MKLN1: variants seen among roughly 807,000 people sequenced by gnomAD.
The protein encoded by MKLN1 is muskelin 1.
A neutral mutation model predicts 99.0 loss-of-function variants in MKLN1; 18 were observed. The ratio of observed to expected loss-of-function variants is 0.18; its 90% CI spans 0.13 to 0.27. The LOEUF (loss-of-function observed/expected upper bound fraction) is 0.27, where lower values mean the gene tolerates loss of function less well. MKLN1 is among the 10% of genes least tolerant of loss of function. MKLN1 has a pLI of 1.00. For synonymous variants in MKLN1, 288 were observed against 293.2 expected (o/e 0.98, Z 0.18); for missense variants, 621 against 875.9 (o/e 0.71, Z 3.67).
chr7:131,115,349 G>A (rs1270047406), intron 1 of MKLN1, among the ~76,000 whole-genome samples: 3 of 152,136 alleles, frequency 2.0e-5, no homozygotes, highest in African/African-American at 7.2e-5. Flanking sequence ...TCAGAATTCA[G>A]GTCAACTTTA....
At chr7:131,295,287 A>G (rs77814120) in intron 3 of MKLN1, among the ~76,000 whole-genome samples, 8,153 of 152,248 alleles carry the variant, frequency 0.054, 299 homozygotes, top group Non-Finnish European at 0.075. Flanking sequence ...GATTATGGGC[A>G]TGAGCCACCA....
intron 3 of MKLN1, among the ~76,000 whole-genome samples, chr7:131,298,248 G>T (rs572042044): frequency 7.9e-5 from 12 of 151,740 alleles, no homozygotes; most frequent in Non-Finnish European, 1.6e-4. Flanking sequence ...TCCAGCCTGG[G>T]CGACAGAGCA....
chr7:131,246,350 A>C (rs1797489505), intron 3 of MKLN1, among the ~76,000 whole-genome samples: 1 of 152,186 alleles, frequency 6.6e-6, no homozygotes, highest in African/African-American at 2.4e-5. Context: ...TAAAATGAGA[A>C]GATTCGGGTT....
chr7:131,258,024 G>GGCA (rs1797681813), intron 3 of MKLN1, among the ~76,000 whole-genome samples: 1 of 151,764 alleles, frequency 6.6e-6, no homozygotes, highest in African/African-American at 2.4e-5. Flanking sequence ...GGGAGGCTGA[G>GGCA]GCAGCAGGAT....
chr7:131,224,467 AC>A (rs1342670731), intron 3 of MKLN1, among the ~76,000 whole-genome samples: 5 of 152,140 alleles, frequency 3.3e-5, no homozygotes, highest in African/African-American at 1.2e-4. Context: ...AATCGCTCGA[AC>A]CCAGGAGGCA....
At chr7:131,304,127 A>G (rs12540848) in intron 3 of MKLN1, among the ~76,000 whole-genome samples, 8,099 of 152,246 alleles carry the variant, frequency 0.053, 301 homozygotes, top group Non-Finnish European at 0.075. Flanking sequence ...TAATCCTAGC[A>G]CTTTGGAAGG....
At chr7:131,401,311 G>C (rs189645102) in intron 6 of MKLN1, among the ~76,000 whole-genome samples, 3 of 152,064 alleles carry the variant, frequency 2.0e-5, no homozygotes, top group African/African-American at 7.2e-5. Flanking sequence ...TTTTATTAGA[G>C]GTGATTTTGG....
At chr7:131,110,312 C>A (rs1446587874) in intron 1 of MKLN1, 1 of 162,712 alleles carries the variant, frequency 6.1e-6, no homozygotes, top group African/African-American at 2.4e-5. Context: ...CTGAAGGAGC[C>A]CAGTTTCCAG....
intron 2 of MKLN1, among the ~76,000 whole-genome samples, chr7:131,199,372 C>T (rs1206052373): frequency 4.0e-5 from 6 of 151,786 alleles, no homozygotes; most frequent in African/African-American, 9.7e-5. Context: ...ATCCTGCTTC[C>T]GAAGTAGCTG....
At chr7:131,437,278 A>G (rs115510310) in intron 9 of MKLN1, among the ~76,000 whole-genome samples, 2,353 of 152,148 alleles carry the variant, frequency 0.015, 53 homozygotes, top group African/African-American at 0.053. Context: ...CCTGTGTCCA[A>G]GTGATTAAAC....
intron 8 of MKLN1, among the ~76,000 whole-genome samples, chr7:131,416,508 C>A (rs1314428627): frequency 6.7e-6 from 1 of 149,502 alleles, no homozygotes; most frequent in Non-Finnish European, 1.5e-5. Flanking sequence ...GTTATAAAGG[C>A]CTAGGTATTT....
Position 131,490,337 on chromosome 7 carries a change from C to T in MKLN1, c.*2609C>T, listed in dbSNP as rs534208047. 3.3e-5 allele frequency: 5 copies of T among 152,646 alleles called. No homozygotes were observed. The South Asian group carries it at 1.0e-3, about 32-fold the overall frequency. 9.5% of individuals were successfully genotyped at this position (152,646 alleles called of 1,614,324 possible). On this transcript the variant is annotated 3_prime_UTR_variant, in exon 18 of 18. Coordinates refer to ENST00000352689, the MANE Select transcript of MKLN1 (RefSeq NM_013255.5). ...TATCTCCAGCTTCAACCTCATTTAT[C>T]CTTTTTCCTAGTATAATACATTGTT...
intron 8 of MKLN1, among the ~76,000 whole-genome samples, chr7:131,418,498 TACAAAAAAAATC>T (rs1214286564): frequency 2.6e-5 from 4 of 152,028 alleles, no homozygotes; most frequent in Non-Finnish European, 1.5e-5. Context: ...CTTATGAGCT[TACAAAAAAAATC>T]ACAAAAAAAG....
chr7:131,362,452 A>T (rs892866568), intron 1 of MKLN1, among the ~76,000 whole-genome samples: 1 of 152,038 alleles, frequency 6.6e-6, no homozygotes, highest in Admixed American at 6.6e-5. Flanking sequence ...GGAAGTTTTT[A>T]AAAAAAGTCT....
chr7:131,316,989 A>G (rs1176635314), intron 3 of MKLN1, among the ~76,000 whole-genome samples: 1 of 152,234 alleles, frequency 6.6e-6, no homozygotes, highest in Non-Finnish European at 1.5e-5. Context: ...TGATTGGTGT[A>G]TCTGAAAGTG....
Position 131,493,455 on chromosome 7 carries a change from A to T in MKLN1, c.*5727A>T, listed in dbSNP as rs1002339285. ...ACCCTAAAATAATTTTGTTAATGAGATGCTGGGAAGAAGACTACCAAAAGG... is the reference window on the plus strand; with the variant it reads ...ACCCTAAAATAATTTTGTTAATGAGTTGCTGGGAAGAAGACTACCAAAAGG... On this transcript the variant is annotated 3_prime_UTR_variant, in exon 18 of 18. Transcript: ENST00000352689. 6.6e-6 allele frequency: 1 copy of T among 152,204 alleles called. No homozygotes were observed. Among genetic ancestry groups the T allele is most frequent in the Non-Finnish European group, 1.5e-5 (1 of 68,034 alleles). 9.4% of individuals were successfully genotyped at this position (152,204 alleles called of 1,614,324 possible).
At chr7:131,324,440 C>T (rs1222585768), upstream of MKLN1, 6 of 152,112 alleles carry the variant, frequency 3.9e-5, no homozygotes, top group South Asian at 2.1e-4. Flanking sequence ...AAGGAAGAAG[C>T]GGAGGCAAAA....
chr7:131,379,279 T>C (rs1793766606), intron 2 of MKLN1, among the ~76,000 whole-genome samples: 1 of 152,158 alleles, frequency 6.6e-6, no homozygotes, highest in Non-Finnish European at 1.5e-5. Flanking sequence ...CACTCAAAGA[T>C]AACTAAGTAT....
chr7:131,135,920 CT>C (rs1329281342), intron 1 of MKLN1, among the ~76,000 whole-genome samples: 7 of 152,168 alleles, frequency 4.6e-5, no homozygotes, highest in Non-Finnish European at 7.3e-5. Flanking sequence ...TATTCTGAGT[CT>C]CTGAAAAACT....
Sources: allele counts gnomAD v4.1 joint callset (sites outside exome capture counted in the v4.1 genomes callset), GRCh38; gene constraint gnomAD v4.1.1; transcripts MANE v1.5; gene names NCBI Gene and HGNC (gene_info 2026-07-23, HGNC 2026-07-21).